Variants in PCDHGB5 observed in about 807,000 individuals in gnomAD.
PCDHGB5 encodes the protein protocadherin gamma subfamily B, 5.
A neutral mutation model predicts 62.9 loss-of-function variants in PCDHGB5; 48 were observed. The observed-to-expected ratio is 0.76, with a 90% CI of 0.61 to 0.97. The LOEUF is 0.97. Ranked by LOEUF, PCDHGB5 falls within the 50% of genes least tolerant of loss-of-function variation. The probability of loss-of-function intolerance (pLI) is 0.00; values close to 1 mark genes in which losing one functional copy is unlikely to be tolerated. For missense variants in PCDHGB5, 1,118 were observed against 1,198.6 expected (o/e 0.93, Z 0.99); for synonymous variants, 474 against 511.2 (o/e 0.93, Z 0.98).
At chr5:141,415,801 A>G (rs560476453) in intron 1 of PCDHGB5, 12 of 1,373,384 alleles carry the variant, frequency 8.7e-6, no homozygotes, top group East Asian at 5.3e-5. Flanking sequence ...CCTAGTCTCA[A>G]TCAAGGCCTA....
In PCDHGB5 at chr5:141,512,264, C is replaced by G. The variant is rs1453959730; in HGVS notation, c.*1091C>G. 6.5e-6 allele frequency: 1 copy of G among 152,684 alleles called. No homozygotes were observed. The highest frequency in any genetic ancestry group is 1.5e-5 in the Non-Finnish European group (1 of 68,096). 9.5% of individuals were successfully genotyped at this position (152,684 alleles called of 1,614,324 possible). ...GGGGCCTCTGTGGGTGCTGGGTACTCCAGAGGTGCCACTGGTGGAAGGGTC... is the reference window on the plus strand; with the variant it reads ...GGGGCCTCTGTGGGTGCTGGGTACTGCAGAGGTGCCACTGGTGGAAGGGTC... On this transcript the variant is annotated 3_prime_UTR_variant, in exon 4 of 4. Transcript: ENST00000617380.
intron 3 of PCDHGB5, among the ~76,000 whole-genome samples, chr5:141,510,553 A>G (rs1471878583): frequency 6.6e-6 from 1 of 152,162 alleles, no homozygotes; most frequent in Non-Finnish European, 1.5e-5. Context: ...TGTTTTGAGC[A>G]CTTACATCTA....
intron 1 of PCDHGB5, among the ~76,000 whole-genome samples, chr5:141,456,946 G>A (rs182320066): frequency 2.3e-4 from 35 of 152,284 alleles, no homozygotes; most frequent in Admixed American, 2.3e-3. Context: ...CTGGGCAACA[G>A]AGCAAAACTC....
At chr5:141,409,979 G>T in intron 1 of PCDHGB5, 1 of 1,613,348 alleles carries the variant, frequency 6.2e-7, no homozygotes, top group Non-Finnish European at 8.5e-7. Flanking sequence ...TAAGGTGGTA[G>T]CGGTGGACGC....
Position 141,477,209 on chromosome 5 carries a change from G to A in PCDHGB5, c.2398-17598G>A. ...CGTGTACAGCCCAGTACCCGAGGAT[G>A]CCCCTCTGGGGACTGTCATCGCTTT... is the stretch of plus-strand genomic sequence containing the variant. On this transcript the variant is annotated intron_variant, in intron 1 of 3. Coordinates refer to ENST00000617380, the MANE Select transcript of PCDHGB5 (RefSeq NM_018925.3). This position sits in a 1 kb window ranked among gnomAD's most constrained non-coding sequence, Gnocchi z 4.9. The A allele has an allele frequency of 6.2e-7, 1 of 1,614,194 alleles. No homozygotes were observed.
intron 1 of PCDHGB5, chr5:141,423,421 G>A (rs772863950): frequency 1.2e-6 from 2 of 1,614,080 alleles, no homozygotes; most frequent in Non-Finnish European, 1.7e-6. Flanking sequence ...TTCTGAAGGC[G>A]GGTTGGCAGG....
intron 1 of PCDHGB5, chr5:141,403,602 G>A (rs761454619): frequency 5.0e-6 from 8 of 1,613,800 alleles, no homozygotes; most frequent in Non-Finnish European, 5.9e-6. Context: ...GCCTCGGATG[G>A]CGGCGAGCCG....
chr5:141,480,137 A>G (rs1183663599), intron 1 of PCDHGB5, among the ~76,000 whole-genome samples: 2 of 152,096 alleles, frequency 1.3e-5, no homozygotes, highest in Non-Finnish European at 2.9e-5. Context: ...CTGTTAAACA[A>G]TTATTAGCCA....
Position 141,489,527 on chromosome 5 carries a change from G to A in PCDHGB5, c.2398-5280G>A. On this transcript the variant is annotated intron_variant, in intron 1 of 3. Coordinates refer to ENST00000617380, the MANE Select transcript of PCDHGB5 (RefSeq NM_018925.3). The surrounding 1 kb of genome is among the most constrained non-coding windows in gnomAD (Gnocchi z 4.5). The stretch of plus-strand genomic sequence containing the variant: ...CAAAAGATTGACCGAGAAAGCCTAT[G>A]TGGAGCCAGCACCAGCTGCCTGCTG... The A allele has an allele frequency of 1.9e-6, 3 of 1,614,152 alleles. No individual in the cohort carries two copies. Among genetic ancestry groups the A allele is most frequent in the East Asian group, 2.2e-5 (1 of 44,874 alleles).
In PCDHGB5 at chr5:141,432,896, G is replaced by A. The variant is rs2097547014; in HGVS notation, c.2397+32372G>A. On this transcript the variant is annotated intron_variant, in intron 1 of 3. Transcript: ENST00000617380. This position sits in a 1 kb window ranked among gnomAD's most constrained non-coding sequence, Gnocchi z 6.0. ...CCTGGCCTTCGTCATCTTGCTGCTG[G>A]CGCTCAGGCTGCGGCGCTGGCACAA... is the stretch of plus-strand genomic sequence containing the variant. 6.2e-7 allele frequency: 1 copy of A among 1,614,056 alleles called. No homozygotes were observed. Among genetic ancestry groups the A allele is most frequent in the African/African-American group, 1.3e-5 (1 of 74,946 alleles).
At chr5:141,492,974 C>G (rs1479838959) in intron 1 of PCDHGB5, among the ~76,000 whole-genome samples, 1 of 152,244 alleles carries the variant, frequency 6.6e-6, no homozygotes, top group Non-Finnish European at 1.5e-5. Flanking sequence ...CTAACAAGTC[C>G]TGTCTCCTCT....
rs146919978 is a variant in PCDHGB5, at chr5:141,489,268, G to A, written c.2398-5539G>A. 1,443 of 1,553,166 alleles carry A rather than the reference G, an allele frequency of 9.3e-4. 2 individuals are homozygous for A. The highest frequency in any genetic ancestry group is 1.2e-3 in the Non-Finnish European group (1,381 of 1,149,786). On this transcript the variant is annotated intron_variant, in intron 1 of 3. Transcript: ENST00000617380. The surrounding 1 kb of genome is among the most constrained non-coding windows in gnomAD (Gnocchi z 4.5). ...GGGGCCCAAGACACTCCCACAGCTCGCTGGGAAATGGCAAGTGCTGTGCAT... is the reference window on the plus strand; with the variant it reads ...GGGGCCCAAGACACTCCCACAGCTCACTGGGAAATGGCAAGTGCTGTGCAT...
intron 2 of PCDHGB5, among the ~76,000 whole-genome samples, chr5:141,504,909 G>C (rs948719729): frequency 6.6e-6 from 1 of 152,002 alleles, no homozygotes; most frequent in Non-Finnish European, 1.5e-5. Context: ...ACTATGACAG[G>C]AAGCCAGGCT....
intron 2 of PCDHGB5, among the ~76,000 whole-genome samples, chr5:141,501,200 G>A (rs888856586): frequency 1.3e-5 from 2 of 151,854 alleles, no homozygotes; most frequent in African/African-American, 4.8e-5. Context: ...AATTCAGGGT[G>A]TTGTCAGGGT....
Position 141,398,657 on chromosome 5 carries a change from GT to G in PCDHGB5, c.533del (p.Phe178SerfsTer3). The G allele has an allele frequency of 6.2e-7, 1 of 1,614,018 alleles. No homozygotes were observed. Among genetic ancestry groups the G allele is most frequent in the South Asian group, 1.1e-5 (1 of 91,088 alleles). On this transcript the variant is annotated frameshift_variant, in exon 1 of 4. Coordinates refer to ENST00000617380, the MANE Select transcript of PCDHGB5 (RefSeq NM_018925.3). LOFTEE classifies it high-confidence loss of function. ...LQKYKLSLNP[S>X]FSLIIKEKQD... ...AAGTATAAACTCTCTCTTAACCCAAGTTTCTCATTAATAATTAAGGAGAAAC... is the reference window on the plus strand; with the variant it reads ...AAGTATAAACTCTCTCTTAACCCAAGTTCTCATTAATAATTAAGGAGAAAC...
chr5:141,430,975 G>A (rs776670383), intron 1 of PCDHGB5: 2 of 1,613,208 alleles, frequency 1.2e-6, no homozygotes, highest in Admixed American at 1.7e-5. Flanking sequence ...GAGGTAGGAC[G>A]CAGCTTTTCG....
Position 141,487,265 on chromosome 5 carries a change from G to C in PCDHGB5, c.2398-7542G>C, listed in dbSNP as rs144347539. 6,978 of 1,614,152 alleles carry C rather than the reference G, an allele frequency of 4.3e-3. 28 individuals carry two copies. Among genetic ancestry groups the C allele is most frequent in the Non-Finnish European group, 4.9e-3 (5,770 of 1,180,028 alleles). ...AACCCTCTACTTGGCTGTGTCCCTA[G>C]TGGCAATTTGCTTTGTCTCCTTTGG... On this transcript the variant is annotated intron_variant, in intron 1 of 3. Coordinates refer to ENST00000617380, the MANE Select transcript of PCDHGB5 (RefSeq NM_018925.3). This position sits in a 1 kb window ranked among gnomAD's most constrained non-coding sequence, Gnocchi z 5.0.
In PCDHGB5 at chr5:141,490,507, G is replaced by C; in HGVS notation, c.2398-4300G>C. 1 of 1,614,016 alleles carries C rather than the reference G, an allele frequency of 6.2e-7. No individual in the cohort carries two copies. Among genetic ancestry groups the C allele is most frequent in the Non-Finnish European group, 8.5e-7 (1 of 1,180,002 alleles). On this transcript the variant is annotated intron_variant, in intron 1 of 3. Transcript: ENST00000617380. The surrounding 1 kb of genome is among the most constrained non-coding windows in gnomAD (Gnocchi z 5.4). ...GGAGGCCACATCCCACTATATCATCGAGCTGCTGGCCAGCGATGCTGGTTC... is the reference window on the plus strand; with the variant it reads ...GGAGGCCACATCCCACTATATCATCCAGCTGCTGGCCAGCGATGCTGGTTC...
chr5:141,413,263 G>A, intron 1 of PCDHGB5: 1 of 1,613,940 alleles, frequency 6.2e-7, no homozygotes, highest in Admixed American at 1.7e-5. Flanking sequence ...TCCATGGGAG[G>A]CTGGAGCCCG....
Sources: allele counts gnomAD v4.1 joint callset (sites outside exome capture counted in the v4.1 genomes callset), GRCh38; gene constraint gnomAD v4.1.1; non-coding constraint Gnocchi (gnomAD v3.1); transcripts MANE v1.5; gene names NCBI Gene and HGNC (gene_info 2026-07-23, HGNC 2026-07-21).